RBFOX1: variants seen among roughly 807,000 people sequenced by gnomAD.
The protein encoded by RBFOX1 is RNA binding protein fox-1 homolog 1.
A neutral mutation model predicts 57.7 loss-of-function variants in RBFOX1; 8 were observed. That is an observed-to-expected ratio of 0.14 (90% CI 0.08 to 0.25). The LOEUF (loss-of-function observed/expected upper bound fraction) is 0.25, where lower values mean the gene tolerates loss of function less well. Among genes scored for constraint, RBFOX1 ranks in the 10% least tolerant of loss-of-function variants. The probability of loss-of-function intolerance (pLI) is 1.00; values close to 1 mark genes in which losing one functional copy is unlikely to be tolerated. For synonymous variants in RBFOX1, 326 were observed against 222.4 expected, an observed-to-expected ratio of 1.47 and a Z score of -4.15; for missense variants, 611 against 548.5, an observed-to-expected ratio of 1.11 and a Z score of -1.14.
chr16:6,408,245 A>G (rs1245125273), intron 2 of RBFOX1, among the ~76,000 whole-genome samples: 2 of 152,146 alleles, frequency 1.3e-5, no homozygotes, highest in East Asian at 3.9e-4. Context: ...AAAGAAAAGC[A>G]CTTTATTCTA....
At chr16:6,969,553 A>T (rs76582701) in intron 3 of RBFOX1, among the ~76,000 whole-genome samples, 18,877 of 151,946 alleles carry the variant, frequency 0.12, 1,256 homozygotes, top group South Asian at 0.23. Flanking sequence ...TGGGCAACAA[A>T]ATGAGACCTC....
At chr16:5,755,255 CAGA>C (rs1169565330) in intron 3 of RBFOX1, among the ~76,000 whole-genome samples, 1 of 148,662 alleles carries the variant, frequency 6.7e-6, no homozygotes, top group African/African-American at 2.5e-5. Context: ...AATCTCAAGG[CAGA>C]AGAATTTTTC....
intron 3 of RBFOX1, among the ~76,000 whole-genome samples, chr16:7,036,878 C>A (rs1334035774): frequency 2.6e-5 from 4 of 152,186 alleles, no homozygotes; most frequent in South Asian, 2.1e-4. Context: ...GATGATGAGC[C>A]CCTTGGGGCT....
chr16:6,293,417 C>T (rs138535978), intron 1 of RBFOX1, among the ~76,000 whole-genome samples: 45 of 148,762 alleles, frequency 3.0e-4, no homozygotes, highest in East Asian at 2.0e-3. Context: ...TCGCTCTGCC[C>T]GGGCTCATCA....
chr16:7,344,971 G>T (rs1430630725), intron 4 of RBFOX1, among the ~76,000 whole-genome samples: 1 of 152,230 alleles, frequency 6.6e-6, no homozygotes, highest in Non-Finnish European at 1.5e-5. Flanking sequence ...CTGTCAGGAG[G>T]CCTTGTTCCC....
In RBFOX1 at chr16:6,479,240, G is replaced by A. The variant is rs147015777; in HGVS notation, c.-64+162183G>A. Among the ~76,000 whole-genome samples the A allele has an allele frequency of 1.3e-3, 194 of 152,268 alleles. 2 individuals are homozygous for A. Among genetic ancestry groups the A allele is most frequent in the African/African-American group, 4.3e-3 (179 of 41,546 alleles). On this transcript the variant is annotated intron_variant, in intron 2 of 15. Transcript: ENST00000550418. ...TGACTCACAGTTCTGGAGGCCTCAGGAAACTTTCAATTATGGCGGAAGAGG... is the reference window on the plus strand; with the variant it reads ...TGACTCACAGTTCTGGAGGCCTCAGAAAACTTTCAATTATGGCGGAAGAGG...
intron 1 of RBFOX1, among the ~76,000 whole-genome samples, chr16:6,052,479 G>A (rs2152437526): frequency 6.6e-6 from 1 of 152,138 alleles, no homozygotes; most frequent in Admixed American, 6.5e-5. Flanking sequence ...TGTAAAGTGG[G>A]GAACATAATT....
chr16:5,780,314 A>G (rs1163444890), intron 3 of RBFOX1, among the ~76,000 whole-genome samples: 1 of 152,088 alleles, frequency 6.6e-6, no homozygotes. Flanking sequence ...ATTATTTTTT[A>G]TTATCTTTCT....
chr16:6,652,577 C>G (rs896455885), intron 2 of RBFOX1, among the ~76,000 whole-genome samples: 2 of 152,016 alleles, frequency 1.3e-5, no homozygotes, highest in Admixed American at 6.6e-5. Flanking sequence ...CACCAGGAAC[C>G]CTGAGAGAGC....
intron 4 of RBFOX1, among the ~76,000 whole-genome samples, chr16:6,003,966 C>A (rs113165972): frequency 0.014 from 2,144 of 152,284 alleles, 41 homozygotes; most frequent in African/African-American, 0.049. Context: ...AAATATTCAG[C>A]AGGCCAAACT....
chr16:7,020,407 G>C (rs1364818556), intron 3 of RBFOX1, among the ~76,000 whole-genome samples: 1 of 152,022 alleles, frequency 6.6e-6, no homozygotes, highest in African/African-American at 2.4e-5. Context: ...TTTTAGTAGA[G>C]ATGAGGTTTC....
At chr16:6,235,266 CCCT>C (rs2097496910) in intron 1 of RBFOX1, among the ~76,000 whole-genome samples, 2 of 152,046 alleles carry the variant, frequency 1.3e-5, no homozygotes, top group African/African-American at 4.8e-5. Flanking sequence ...GGCCTAACTC[CCCT>C]CCTCCACACA....
intron 4 of RBFOX1, among the ~76,000 whole-genome samples, chr16:7,365,053 A>G (rs952584558): frequency 3.9e-5 from 6 of 152,158 alleles, no homozygotes; most frequent in African/African-American, 1.4e-4. Context: ...TCGTCTATCA[A>G]TCATCTATCT....
intron 1 of RBFOX1, among the ~76,000 whole-genome samples, chr16:6,296,565 C>T (rs1219977894): frequency 6.6e-6 from 1 of 152,012 alleles, no homozygotes; most frequent in Non-Finnish European, 1.5e-5. Context: ...GGACTACAGG[C>T]GTCCACCACC....
chr16:7,003,616 C>T (rs868249936), intron 3 of RBFOX1, among the ~76,000 whole-genome samples: 3 of 152,054 alleles, frequency 2.0e-5, no homozygotes, highest in Admixed American at 6.6e-5. Flanking sequence ...CTAACCTCTT[C>T]CAGGAAAGTT....
intron 3 of RBFOX1, among the ~76,000 whole-genome samples, chr16:6,979,128 A>G (rs902416266): frequency 2.0e-5 from 3 of 152,214 alleles, no homozygotes; most frequent in African/African-American, 7.2e-5. Context: ...AAATTGTACC[A>G]AAAATCAGAC....
intron 1 of RBFOX1, among the ~76,000 whole-genome samples, chr16:6,295,571 A>G (rs1026781208): frequency 3.5e-4 from 53 of 152,330 alleles, no homozygotes; most frequent in African/African-American, 1.3e-3. Context: ...CCAATGAGAG[A>G]TTTGAAGCAA....
At chr16:5,743,511 C>T (rs1567478734) in intron 3 of RBFOX1, among the ~76,000 whole-genome samples, 3 of 152,120 alleles carry the variant, frequency 2.0e-5, no homozygotes, top group Non-Finnish European at 2.9e-5. Context: ...TCACTCAGCA[C>T]GTAAAACTGA....
At chr16:7,569,962 C>A (rs1295790871) in intron 5 of RBFOX1, among the ~76,000 whole-genome samples, 1 of 152,056 alleles carries the variant, frequency 6.6e-6, no homozygotes, top group Non-Finnish European at 1.5e-5. Context: ...TTGGGGGATC[C>A]TTCACATGTC....
Sources: gnomAD v4.1 joint callset for allele counts (sites outside exome capture counted in the v4.1 genomes callset) on GRCh38, gnomAD v4.1.1 for gene constraint, MANE v1.5 for transcripts, NCBI Gene and HGNC (gene_info 2026-07-23, HGNC 2026-07-21) for gene names.